Variants in IPO9 observed in about 807,000 individuals in gnomAD.
The protein encoded by IPO9 is importin 9.
A neutral mutation model predicts 128.6 loss-of-function variants in IPO9; 28 were observed. That is an observed-to-expected ratio of 0.22 (90% confidence interval 0.16 to 0.30). IPO9 has a LOEUF of 0.30. Ranked by LOEUF, IPO9 falls within the 10% of genes least tolerant of loss-of-function variation. IPO9 has a pLI of 1.00. For missense variants in IPO9, 935 were observed against 1,293.9 expected (o/e 0.72, Z 4.26); for synonymous variants, 455 against 475.8 (o/e 0.96, Z 0.57).
At position 201,877,923 on chromosome 1, in the gene IPO9, GTC is replaced by G. The variant is rs930237961; in HGVS notation, c.*1872_*1873del. The G allele has an allele frequency of 8.0e-5, 12 of 150,012 alleles. No individual in the cohort carries two copies. Among genetic ancestry groups the G allele is most frequent in the African/African-American group, 3.0e-4 (12 of 40,266 alleles). The allele number at this position is 150,012 out of a possible 1,614,324, so 9.3% of individuals were successfully genotyped here. ...TGGGCAACAAGAGGAGCGAAACTCT[GTC>G]TCAAAAAAAAAAAAGAGAAAGAATA... is the stretch of plus-strand genomic sequence containing the variant. On this transcript the variant is annotated 3_prime_UTR_variant, in exon 24 of 24. Coordinates refer to ENST00000361565, the MANE Select transcript of IPO9 (RefSeq NM_018085.5).
intron 13 of IPO9, among the ~76,000 whole-genome samples, chr1:201,861,413 A>G (rs577077124): frequency 1.3e-5 from 2 of 152,334 alleles, no homozygotes; most frequent in East Asian, 3.9e-4. Context: ...ATAGTATTCA[A>G]TAAATTATAT....
intron 6 of IPO9, 73 bp downstream of exon 6, chr1:201,853,170 C>A: frequency 1.7e-6 from 2 of 1,178,456 alleles, no homozygotes; most frequent in Non-Finnish European, 2.6e-6. Flanking sequence ...TGAGTCATTT[C>A]ATGATAGCAG....
In IPO9 at chr1:201,869,652, C is replaced by G; in HGVS notation, c.2067C>G (p.Leu689=). ...CAAAGCCTCCCCTTTCCCAGCTTCT[C>G]ATCTGCCAAGCTTTCCCTGCTGTGG... is the stretch of plus-strand genomic sequence containing the variant. ...RNTKPPLSQL[L]ICQAFPAVAQ... Residue 689 remains leucine (L), a synonymous_variant, in exon 17 of 24, where the codon CTC becomes CTG. Coordinates refer to ENST00000361565, the MANE Select transcript of IPO9 (RefSeq NM_018085.5). The G allele has an allele frequency of 6.2e-7, 1 of 1,614,216 alleles. No homozygotes were observed. The highest frequency in any genetic ancestry group is 8.5e-7 in the Non-Finnish European group (1 of 1,180,026).
chr1:201,858,807 C>G, intron 12 of IPO9, 48 bp from the exon 13 acceptor site: 1 of 1,552,564 alleles, frequency 6.4e-7, no homozygotes, highest in African/African-American at 1.4e-5. Flanking sequence ...ATATTTATCT[C>G]TTTTGGCAGT....
intron 9 of IPO9, 66 bp from the exon 10 acceptor site, chr1:201,855,708 GTAGTTCATT>G: frequency 7.8e-7 from 1 of 1,278,016 alleles, no homozygotes; most frequent in Non-Finnish European, 1.1e-6. Flanking sequence ...CAAAGGTTAT[GTAGTTCATT>G]TTCTGCATAT....
At chr1:201,866,660 A>G in intron 14 of IPO9, 73 bp from the exon 15 acceptor site, 1 of 1,123,716 alleles carries the variant, frequency 8.9e-7, no homozygotes, top group South Asian at 1.3e-5. Flanking sequence ...AAATGCTATA[A>G]TATGTGAGAT....
intron 4 of IPO9, chr1:201,850,510 G>T (rs1054603620): frequency 1.3e-5 from 2 of 152,196 alleles, no homozygotes; most frequent in South Asian, 2.1e-4. Context: ...AGGATTAGAA[G>T]ATTTGATCCA....
Position 201,870,561 on chromosome 1 carries a change from C to A in IPO9, c.2134-22C>A. On this transcript the variant is annotated intron_variant, in intron 17 of 23. Transcript: ENST00000361565. The surrounding 1 kb of genome is among the most constrained non-coding windows in gnomAD (Gnocchi z 4.9). ...ATCTGTCCCTCGATTACTAATCTTG[C>A]TTGCCACCCCTGTCTCCCCAGAATG... 6.2e-7 allele frequency: 1 copy of A among 1,602,738 alleles called. No homozygotes were observed. The highest frequency in any genetic ancestry group is 1.3e-5 in the African/African-American group (1 of 74,786).
intron 1 of IPO9, among the ~76,000 whole-genome samples, chr1:201,839,144 T>C (rs1679991601): frequency 6.6e-6 from 1 of 151,254 alleles, no homozygotes; most frequent in African/African-American, 2.4e-5. Context: ...GGTCTCGAAC[T>C]CCTAACCTCA....
chr1:201,857,416 T>C (rs1680349998), intron 11 of IPO9, among the ~76,000 whole-genome samples: 1 of 152,184 alleles, frequency 6.6e-6, no homozygotes, highest in Non-Finnish European at 1.5e-5. Flanking sequence ...GATAAAAGAA[T>C]TGTGCAGACC....
Position 201,847,489 on chromosome 1 carries a change from A to G in IPO9, c.226-63A>G, listed in dbSNP as rs1462282430. The G allele has an allele frequency of 2.8e-6, 4 of 1,439,574 alleles. No homozygotes were observed. In the South Asian group the frequency reaches 3.5e-5, roughly 12 times the overall value. The allele number at this position is 1,439,574 out of a possible 1,614,324, so 89.2% of individuals were successfully genotyped here. A position where few individuals can be genotyped will look rare whatever the true frequency, so the allele number is the denominator to read the frequency against. On this transcript the variant is annotated intron_variant, in intron 2 of 23. Transcript: ENST00000361565. The stretch of plus-strand genomic sequence containing the variant: ...ACTTCAGATGTATCAGGCTATGTAT[A>G]TAGTTTTTATGTGTGAAAAAAATCT...
Position 201,876,063 on chromosome 1 carries a change from G to C in IPO9, c.*9G>C, listed in dbSNP as rs1413700191. 1.3e-6 allele frequency: 2 copies of C among 1,568,202 alleles called. No individual in the cohort carries two copies. Among genetic ancestry groups the C allele is most frequent in the African/African-American group, 2.7e-5 (2 of 73,902 alleles). ...AGACCATCGGCATCTAAAAAGGGGA[G>C]CCTTTCTACATTTGCTCCTTCTGGG... On this transcript the variant is annotated 3_prime_UTR_variant, in exon 24 of 24. Coordinates refer to ENST00000361565, the MANE Select transcript of IPO9 (RefSeq NM_018085.5).
At chr1:201,865,315 TCTC>T (rs962355029) in intron 14 of IPO9, among the ~76,000 whole-genome samples, 10 of 151,820 alleles carry the variant, frequency 6.6e-5, no homozygotes, top group Admixed American at 3.3e-4. Context: ...TTCAAGCAAT[TCTC>T]CTGCTTCAGC....
chr1:201,862,806 CAAAAAAAA>C (rs545253856), intron 13 of IPO9, among the ~76,000 whole-genome samples: 1 of 69,868 alleles, frequency 1.4e-5, no homozygotes, highest in African/African-American at 5.1e-5. Context: ...AACTTCATCT[CAAAAAAAA>C]AAAAAAAAAG....
chr1:201,833,153 C>G (rs1370277346), intron 1 of IPO9, among the ~76,000 whole-genome samples: 1 of 151,968 alleles, frequency 6.6e-6, no homozygotes, highest in Non-Finnish European at 1.5e-5. Context: ...TGTGAGAGAT[C>G]CATTTGATTC....
chr1:201,850,500 A>C (rs1253023636), intron 4 of IPO9: 8 of 152,248 alleles, frequency 5.3e-5, no homozygotes, highest in Non-Finnish European at 1.0e-4. Flanking sequence ...ATAGCAGCTA[A>C]GGATTAGAAG....
intron 1 of IPO9, among the ~76,000 whole-genome samples, chr1:201,843,365 C>A (rs191762235): frequency 1.3e-5 from 2 of 152,048 alleles, no homozygotes; most frequent in East Asian, 3.9e-4. Flanking sequence ...GGTCCTAAGA[C>A]CATTGCATCA....
Position 201,868,806 on chromosome 1 carries a change from CG to C in IPO9, c.2004+11del. The C allele has an allele frequency of 7.4e-7, 1 of 1,347,966 alleles. No homozygotes were observed. Among genetic ancestry groups the C allele is most frequent in the Non-Finnish European group, 1.0e-6 (1 of 982,706 alleles). The allele number at this position is 1,347,966 out of a possible 1,614,324, so 83.5% of individuals were successfully genotyped here. On this transcript the variant is annotated intron_variant, in intron 16 of 23. Transcript: ENST00000361565. The stretch of plus-strand genomic sequence containing the variant: ...TGCAGGGCTTTGTGCGGTAAGTGGC[CG>C]TGTGTGTGTGTGTGTGTGTGTGAGA...
intron 19 of IPO9, 51 bp from the exon 20 acceptor site, chr1:201,872,777 T>G (rs758576035): frequency 5.8e-5 from 91 of 1,570,982 alleles, no homozygotes; most frequent in Non-Finnish European, 7.7e-5. Flanking sequence ...CTCCTTGGAG[T>G]GAACTCGAGA....
Sources: gnomAD v4.1 joint callset for allele counts (sites outside exome capture counted in the v4.1 genomes callset) on GRCh38, gnomAD v4.1.1 for gene constraint, Gnocchi (gnomAD v3.1) non-coding constraint, MANE v1.5 for transcripts, NCBI Gene and HGNC (gene_info 2026-07-23, HGNC 2026-07-21) for gene names.